Variants in SCAPER observed in about 807,000 individuals in gnomAD.
The protein encoded by SCAPER is S-phase cyclin A associated protein in the ER, also known as S phase cyclin A-associated protein in the endoplasmic reticulum.
SCAPER carries 98 observed loss-of-function variants against 182.2 expected under a neutral mutation model. That is an observed-to-expected ratio of 0.54 (90% CI 0.46 to 0.64). The LOEUF (loss-of-function observed/expected upper bound fraction) is 0.64. SCAPER is among the 30% of genes least tolerant of loss of function. The probability of loss-of-function intolerance (pLI) is 0.00; values close to 1 mark genes in which losing one functional copy is unlikely to be tolerated. For missense variants in SCAPER, 1,432 were observed against 1,690.0 expected (o/e 0.85, Z 2.68); for synonymous variants, 605 against 564.6 (o/e 1.07, Z -1.01).
chr15:76,868,161 C>T lies in SCAPER; in HGVS notation c.7-5628G>A, dbSNP rs149203676. Among the ~76,000 whole-genome samples, 6 of 152,138 alleles carry T rather than the reference C, an allele frequency of 3.9e-5. No individual in the cohort carries two copies. The East Asian group carries it at 9.6e-4, about 24-fold the overall frequency. On this transcript the variant is annotated intron_variant, in intron 2 of 31. Transcript: ENST00000563290. ...TTGGTTCCCCTTCCAGTTATGAAAA[C>T]ATAAAAGGCATCCACATTGGAAAGG...
At chr15:76,587,970 G>A (rs2048803618) in intron 22 of SCAPER, among the ~76,000 whole-genome samples, 1 of 151,016 alleles carries the variant, frequency 6.6e-6, no homozygotes, top group East Asian at 1.9e-4. Context: ...CGCCCAGGCT[G>A]CAGTGCAGTG....
chr15:76,466,634 C>T (rs1005912497), intron 25 of SCAPER, among the ~76,000 whole-genome samples: 58 of 151,156 alleles, frequency 3.8e-4, no homozygotes, highest in African/African-American at 1.2e-3. Flanking sequence ...TTCTACGTCT[C>T]GAAAGCTTTG....
chr15:76,527,189 A>G (rs2043274902), intron 23 of SCAPER, among the ~76,000 whole-genome samples: 2 of 152,200 alleles, frequency 1.3e-5, no homozygotes, highest in South Asian at 4.1e-4. Context: ...ACAGTTTTAT[A>G]AAATTAATTT....
intron 21 of SCAPER, among the ~76,000 whole-genome samples, chr15:76,641,293 C>T (rs2054084486): frequency 6.6e-6 from 1 of 152,200 alleles, no homozygotes; most frequent in Non-Finnish European, 1.5e-5. Flanking sequence ...TCTCTGTATA[C>T]TGTACTTCTG....
At chr15:76,415,316 T>C (rs973321575) in intron 26 of SCAPER, among the ~76,000 whole-genome samples, 13 of 152,214 alleles carry the variant, frequency 8.5e-5, no homozygotes, top group African/African-American at 3.1e-4. Flanking sequence ...TATTTTCTGA[T>C]AAAAGTTGAA....
intron 23 of SCAPER, among the ~76,000 whole-genome samples, chr15:76,512,204 T>G (rs1394196293): frequency 6.6e-6 from 1 of 151,522 alleles, no homozygotes; most frequent in Non-Finnish European, 1.5e-5. Context: ...TACATGGTTT[T>G]AACTGCTAAA....
chr15:76,512,723 A>G (rs1361963951), intron 23 of SCAPER, among the ~76,000 whole-genome samples: 1 of 152,172 alleles, frequency 6.6e-6, no homozygotes, highest in East Asian at 1.9e-4. Flanking sequence ...GACCTCTTGA[A>G]AAACCTAAGA....
chr15:76,528,574 A>T (rs2043384531), intron 23 of SCAPER, among the ~76,000 whole-genome samples: 1 of 152,136 alleles, frequency 6.6e-6, no homozygotes, highest in Non-Finnish European at 1.5e-5. Context: ...TTAGTCTCTT[A>T]AACACTTTTC....
intron 17 of SCAPER, among the ~76,000 whole-genome samples, chr15:76,720,400 T>C (rs2060155773): frequency 2.0e-5 from 3 of 152,212 alleles, no homozygotes; most frequent in Admixed American, 1.3e-4. Context: ...CATGTGAATG[T>C]GTCTTTATAG....
At chr15:76,680,396 CATG>C (rs746371617) in intron 20 of SCAPER, among the ~76,000 whole-genome samples, 105 of 136,208 alleles carry the variant, frequency 7.7e-4, no homozygotes, top group Non-Finnish European at 1.2e-3. Context: ...TAGGTCATTT[CATG>C]ATGATGATGA....
intron 4 of SCAPER, among the ~76,000 whole-genome samples, chr15:76,848,372 A>C (rs1157789876): frequency 1.5e-5 from 2 of 137,420 alleles, no homozygotes; most frequent in African/African-American, 5.7e-5. Flanking sequence ...TCTGTCGCCC[A>C]GGCTGGAGTG....
chr15:76,357,186 A>ACACACC lies in SCAPER; in HGVS notation c.3856-3047_3856-3046insGGTGTG, dbSNP rs1439719164. Among the ~76,000 whole-genome samples, 14 of 151,270 alleles carry ACACACC rather than the reference A, an allele frequency of 9.3e-5. 1 individual carries two copies. Among genetic ancestry groups the ACACACC allele is most frequent in the African/African-American group, 1.7e-4 (7 of 41,158 alleles). On this transcript the variant is annotated intron_variant, in intron 29 of 31. Transcript: ENST00000563290. ...CACACACACACACACACACACACAC[A>ACACACC]CACCCCTATGGCCACTCACCTACCT...
intron 5 of SCAPER, among the ~76,000 whole-genome samples, chr15:76,818,318 C>A (rs1046043816): frequency 6.6e-6 from 1 of 152,164 alleles, no homozygotes; most frequent in African/African-American, 2.4e-5. Context: ...CTAGACCCAA[C>A]TGTAAAATAC....
intron 23 of SCAPER, among the ~76,000 whole-genome samples, chr15:76,552,563 C>T (rs888882166): frequency 2.0e-5 from 3 of 152,152 alleles, no homozygotes; most frequent in African/African-American, 7.2e-5. Flanking sequence ...CACTGGCCCC[C>T]TCTTGCCATG....
chr15:76,366,483 C>T (rs921895490), intron 29 of SCAPER, among the ~76,000 whole-genome samples: 3 of 152,114 alleles, frequency 2.0e-5, no homozygotes, highest in Non-Finnish European at 2.9e-5. Flanking sequence ...TTTGGAGTTT[C>T]CAGTTTACTG....
intron 25 of SCAPER, among the ~76,000 whole-genome samples, chr15:76,442,032 T>C (rs2047648599): frequency 6.6e-6 from 1 of 152,082 alleles, no homozygotes; most frequent in Non-Finnish European, 1.5e-5. Context: ...CAGCATTAAA[T>C]ATCTATCTAT....
intron 27 of SCAPER, among the ~76,000 whole-genome samples, chr15:76,399,759 C>T (rs1410327705): frequency 6.6e-6 from 1 of 152,026 alleles, no homozygotes. Context: ...AATCCTAACA[C>T]TTTGGGAGGC....
rs575197759 is a variant in SCAPER at position 76,666,849 on chromosome 15, TAC to T, written c.2509-1062_2509-1061del. 1.9e-3 allele frequency among the ~76,000 whole-genome samples: 293 copies of T among 152,282 alleles called. 1 individual carries two copies. Among genetic ancestry groups the T allele is most frequent in the Admixed American group, 4.1e-3 (62 of 15,296 alleles). On this transcript the variant is annotated intron_variant, in intron 20 of 31. Coordinates refer to ENST00000563290, the MANE Select transcript of SCAPER (RefSeq NM_020843.4). The stretch of plus-strand genomic sequence containing the variant: ...ATCAAACAATGTGCATATGTGCCCG[TAC>T]ACTCTCTTCCCTCCTGTTATAATAT...
chr15:76,472,492 A>G (rs2050266403), intron 24 of SCAPER: 1 of 391,968 alleles, frequency 2.6e-6, no homozygotes. Context: ...CAGCTTCACC[A>G]GTAGCTGGAA....
Sources: allele counts gnomAD v4.1 joint callset (sites outside exome capture counted in the v4.1 genomes callset), GRCh38; gene constraint gnomAD v4.1.1; transcripts MANE v1.5; gene names NCBI Gene and HGNC (gene_info 2026-07-23, HGNC 2026-07-21).